KSR2: variants seen among roughly 807,000 people sequenced by gnomAD.
The protein encoded by KSR2 is kinase suppressor of ras 2.
In KSR2, 25 loss-of-function variants were observed where a neutral mutation model predicts 107.8. The observed-to-expected ratio is 0.23, with a 90% CI of 0.17 to 0.32. The LOEUF (loss-of-function observed/expected upper bound fraction) is 0.32. Among genes scored for constraint, KSR2 ranks in the 10% least tolerant of loss-of-function variants. The pLI, the probability that KSR2 is intolerant of heterozygous loss-of-function variation, is 1.00. For synonymous variants in KSR2, 480 were observed against 507.0 expected (o/e 0.95, Z 0.71); for missense variants, 887 against 1,268.9 (o/e 0.70, Z 4.57).
At position 117,761,328 on chromosome 12, in the gene KSR2, G is replaced by A. The variant is rs773160329; in HGVS notation, c.669C>T (p.His223=). 1.2e-5 allele frequency: 18 copies of A among 1,561,406 alleles called. No homozygotes were observed. Among genetic ancestry groups the A allele is most frequent in the East Asian group, 1.1e-4 (5 of 44,440 alleles). The stretch of plus-strand genomic sequence containing the variant: ...AGGCGTCCACGGTAAGCCTGTCCAC[G>A]TGGGTGTACACAGGGGCCCCGGGAG... The part of the protein sequence containing the change: ...SPTPGAPVYT[H]VDRLTVDAYP... Residue 223 remains histidine (H), a synonymous_variant, in exon 4 of 20, where the codon CAC becomes CAT. Transcript: ENST00000339824.
At chr12:117,780,051 GA>G (rs1375718242) in intron 3 of KSR2, among the ~76,000 whole-genome samples, 1 of 152,008 alleles carries the variant, frequency 6.6e-6, no homozygotes, top group African/African-American at 2.4e-5. Flanking sequence ...AACATATCAT[GA>G]AAAAAGTAAT....
chr12:117,829,976 C>T (rs144450768), intron 3 of KSR2, among the ~76,000 whole-genome samples: 87 of 152,284 alleles, frequency 5.7e-4, no homozygotes, highest in Middle Eastern at 6.8e-3. Flanking sequence ...ATTGCATGTT[C>T]TCACTTATAA....
At chr12:117,912,830 C>T (rs1293747358) in intron 1 of KSR2, among the ~76,000 whole-genome samples, 1 of 152,042 alleles carries the variant, frequency 6.6e-6, no homozygotes, top group Non-Finnish European at 1.5e-5. Context: ...GCAGCTCCTC[C>T]GATGTTGTAT....
intron 7 of KSR2, among the ~76,000 whole-genome samples, chr12:117,562,580 G>A (rs73405375): frequency 7.8e-4 from 119 of 152,218 alleles, no homozygotes; most frequent in Middle Eastern, 3.4e-3. Context: ...GGTATCTCGT[G>A]GGCAGCACTT....
At chr12:117,652,665 A>G (rs866052119) in intron 5 of KSR2, among the ~76,000 whole-genome samples, 2 of 152,220 alleles carry the variant, frequency 1.3e-5, no homozygotes, top group Non-Finnish European at 2.9e-5. Context: ...CCAGCCTTTT[A>G]ACGGGGTAAC....
chr12:117,491,598 C>T (rs1266791280), intron 14 of KSR2, among the ~76,000 whole-genome samples: 3 of 152,166 alleles, frequency 2.0e-5, no homozygotes, highest in East Asian at 1.9e-4. Flanking sequence ...TACTCCGCCG[C>T]ATTTATATGC....
At chr12:117,943,859 G>A (rs1029520473) in intron 1 of KSR2, among the ~76,000 whole-genome samples, 5 of 152,146 alleles carry the variant, frequency 3.3e-5, no homozygotes, top group African/African-American at 1.2e-4. Flanking sequence ...TTGTGGTAGT[G>A]AATAAGTCTC....
intron 10 of KSR2, among the ~76,000 whole-genome samples, chr12:117,536,015 C>T (rs1289484979): frequency 6.6e-6 from 1 of 152,096 alleles, no homozygotes. Flanking sequence ...GGAGGTCCAC[C>T]CAACTGGCAG....
At chr12:117,732,838 A>G (rs902565885) in intron 4 of KSR2, among the ~76,000 whole-genome samples, 23 of 152,170 alleles carry the variant, frequency 1.5e-4, no homozygotes, top group Admixed American at 1.5e-3. Flanking sequence ...ACTGAGTCCT[A>G]ACGGGGTCCA....
intron 3 of KSR2, among the ~76,000 whole-genome samples, chr12:117,813,372 T>C (rs922125214): frequency 2.6e-5 from 4 of 152,282 alleles, no homozygotes; most frequent in African/African-American, 7.2e-5. Context: ...CAGAAAATAT[T>C]TGCCAATTAT....
chr12:117,712,477 T>G (rs1399339487), intron 4 of KSR2, among the ~76,000 whole-genome samples: 1 of 152,192 alleles, frequency 6.6e-6, no homozygotes, highest in Non-Finnish European at 1.5e-5. Flanking sequence ...AGCTCTTCCC[T>G]GCCCAGATGC....
At chr12:117,611,416 C>T (rs1881585747) in intron 5 of KSR2, among the ~76,000 whole-genome samples, 1 of 52,078 alleles carries the variant, frequency 1.9e-5, no homozygotes, top group Non-Finnish European at 4.9e-5. Context: ...GAAATGTTGT[C>T]AATACTTGAA....
intron 5 of KSR2, among the ~76,000 whole-genome samples, chr12:117,663,847 G>A (rs989786067): frequency 3.3e-5 from 5 of 152,140 alleles, no homozygotes; most frequent in African/African-American, 7.2e-5. Flanking sequence ...AGGAGCCCAC[G>A]AGCTTGCAGG....
In KSR2 at chr12:117,806,061, T is replaced by C. The variant is rs186775318; in HGVS notation, c.473-44537A>G. Among the ~76,000 whole-genome samples, 347 of 152,254 alleles carry C rather than the reference T, an allele frequency of 2.3e-3. 3 individuals are homozygous for C. Among genetic ancestry groups the C allele is most frequent in the African/African-American group, 6.9e-3 (285 of 41,544 alleles). ...CCCAGACCTGCTGCAGCCAAATTAATGTAATATGATCCCCAGCTGAGGCAT... is the reference window on the plus strand; with the variant it reads ...CCCAGACCTGCTGCAGCCAAATTAACGTAATATGATCCCCAGCTGAGGCAT... On this transcript the variant is annotated intron_variant, in intron 3 of 19. Transcript: ENST00000339824.
intron 5 of KSR2, among the ~76,000 whole-genome samples, chr12:117,636,103 A>G (rs7305714): frequency 6.6e-6 from 1 of 152,050 alleles, no homozygotes; most frequent in African/African-American, 2.4e-5. Flanking sequence ...GTATGTTACT[A>G]CTTTTAAATG....
chr12:117,630,222 G>A lies in KSR2; in HGVS notation c.1171+37252C>T, dbSNP rs569982894. On this transcript the variant is annotated intron_variant, in intron 5 of 19. Transcript: ENST00000339824. ...GGAAACACTTATCTACCAAACTGCA[G>A]GCCAACAGATGACACATACTGTAGG... 5.3e-5 allele frequency among the ~76,000 whole-genome samples: 8 copies of A among 152,334 alleles called. No individual in the cohort carries two copies. In the South Asian group the frequency reaches 1.7e-3, roughly 32 times the overall value.
rs889506320 is a variant in KSR2 at position 117,761,179 on chromosome 12, G to A, written c.818C>T (p.Pro273Leu). Reference sequence around the variant, plus strand: ...CTTCCTCATGGGCGGCGTGCCCGGCGGGGTCACGGTGGTGACGATGTTGGG... The same window carrying A: ...CTTCCTCATGGGCGGCGTGCCCGGCAGGGTCACGGTGGTGACGATGTTGGG... Reference protein sequence around the residue: ...RTPNIVTTVTPPGTPPMRKKN... With the variant: ...RTPNIVTTVTLPGTPPMRKKN... Residue 273 changes from proline to leucine, a missense_variant, in exon 4 of 20, where the codon CCG (proline) becomes CTG (leucine). By Grantham distance (98) the Pro-to-Leu change is moderately conservative. Around this residue, in one of 8 missense-constraint regions of KSR2, gnomAD observed 399 missense variants for 479.5 expected, o/e 0.83. Transcript: ENST00000339824. 11 of 1,599,744 alleles carry A rather than the reference G, an allele frequency of 6.9e-6. No homozygotes were observed. Among genetic ancestry groups the A allele is most frequent in the African/African-American group, 5.4e-5 (4 of 74,532 alleles).
intron 1 of KSR2, among the ~76,000 whole-genome samples, chr12:117,911,707 T>C (rs1336805383): frequency 6.6e-6 from 1 of 152,180 alleles, no homozygotes; most frequent in Non-Finnish European, 1.5e-5. Flanking sequence ...CCATATCTCT[T>C]CCCATCTCTT....
At chr12:117,881,766 G>A (rs887169830) in intron 1 of KSR2, among the ~76,000 whole-genome samples, 4 of 152,236 alleles carry the variant, frequency 2.6e-5, no homozygotes, top group African/African-American at 4.8e-5. Flanking sequence ...CACAAGCCAT[G>A]GTGACCATCT....
Sources: gnomAD v4.1 joint callset for allele counts (sites outside exome capture counted in the v4.1 genomes callset) on GRCh38, gnomAD v4.1.1 for gene constraint, gnomAD v4.1.1 regional missense constraint, MANE v1.5 for transcripts, NCBI Gene and HGNC (gene_info 2026-07-23, HGNC 2026-07-21) for gene names.